The following MBOAT2 variants were observed in gnomAD, a reference collection of about 807,000 sequenced individuals.
The protein encoded by MBOAT2 is membrane bound glycerophospholipid O-acyltransferase 2, also known as membrane-bound glycerophospholipid O-acyltransferase 2.
MBOAT2 carries 28 observed loss-of-function variants against 63.4 expected under a neutral mutation model. That is an observed-to-expected ratio of 0.44 (90% CI 0.33 to 0.61). The LOEUF (loss-of-function observed/expected upper bound fraction) is 0.61, where lower values mean the gene tolerates loss of function less well. Among genes scored for constraint, MBOAT2 ranks in the 20% least tolerant of loss-of-function variants. The probability of loss-of-function intolerance (pLI) is 0.03; values close to 1 mark genes in which losing one functional copy is unlikely to be tolerated. For missense variants in MBOAT2, 470 were observed against 605.8 expected (o/e 0.78, Z 2.35); for synonymous variants, 211 against 215.6 (o/e 0.98, Z 0.19).
intron 1 of MBOAT2, among the ~76,000 whole-genome samples, chr2:8,971,270 T>C (rs868534003): frequency 3.3e-5 from 5 of 152,168 alleles, no homozygotes; most frequent in Admixed American, 6.5e-5. Context: ...AAAAACCACA[T>C]GATTATCTCA....
At chr2:8,976,160 T>C (rs1157181414) in intron 1 of MBOAT2, among the ~76,000 whole-genome samples, 1 of 151,976 alleles carries the variant, frequency 6.6e-6, no homozygotes. Flanking sequence ...TCTCAGACCA[T>C]CATACAAACC....
chr2:8,899,062 G>C (rs1664712339), intron 4 of MBOAT2, among the ~76,000 whole-genome samples: 1 of 152,160 alleles, frequency 6.6e-6, no homozygotes, highest in East Asian at 1.9e-4. Flanking sequence ...AGGTCTTAAG[G>C]GATATTGCCT....
chr2:8,898,616 G>A (rs2148570280), intron 4 of MBOAT2, among the ~76,000 whole-genome samples: 1 of 152,332 alleles, frequency 6.6e-6, no homozygotes, highest in East Asian at 1.9e-4. Flanking sequence ...ACATACTGAA[G>A]GACCAGAGTG....
intron 2 of MBOAT2, among the ~76,000 whole-genome samples, chr2:8,955,324 A>T (rs1445265882): frequency 6.6e-6 from 1 of 152,176 alleles, no homozygotes; most frequent in East Asian, 1.9e-4. Context: ...AGGGCTTGGG[A>T]GAAATAAAGT....
chr2:8,973,789 CAGAT>C (rs1286658236), intron 1 of MBOAT2, among the ~76,000 whole-genome samples: 3 of 152,066 alleles, frequency 2.0e-5, no homozygotes. Flanking sequence ...TTTCATCTAT[CAGAT>C]AGACTTCAGC....
At chr2:8,961,607 A>G (rs1207032350) in intron 1 of MBOAT2, among the ~76,000 whole-genome samples, 1 of 152,140 alleles carries the variant, frequency 6.6e-6, no homozygotes, top group Non-Finnish European at 1.5e-5. Context: ...AAAAAGCTAG[A>G]TATTTCCCAT....
chr2:8,882,365 C>T, intron 6 of MBOAT2, 146 bp downstream of exon 6: 1 of 760,018 alleles, frequency 1.3e-6, no homozygotes, highest in Non-Finnish European at 2.2e-6. Flanking sequence ...CAGGCTTTGG[C>T]AGGAGGGAAG....
At chr2:8,880,243 C>T (rs909179759) in intron 6 of MBOAT2, among the ~76,000 whole-genome samples, 6 of 151,780 alleles carry the variant, frequency 4.0e-5, no homozygotes, top group Non-Finnish European at 5.9e-5. Flanking sequence ...TGGGATGTGA[C>T]GGGTGGAAGA....
In MBOAT2 at chr2:8,854,148, G is replaced by A. The variant is rs1660934987; in HGVS notation, c.*4531C>T. ...CTATAAATAGATTTGACTACTTGGT[G>A]TTGCAGAAAAACACTGTAGAGACCC... On this transcript the variant is annotated 3_prime_UTR_variant, in exon 13 of 13. Transcript: ENST00000305997. 2 of 151,990 alleles carry A rather than the reference G, an allele frequency of 1.3e-5. No homozygotes were observed. The highest frequency in any genetic ancestry group is 4.1e-4 in the South Asian group (2 of 4,830). The allele number at this position is 151,990 out of a possible 1,614,324, so 9.4% of individuals were successfully genotyped here.
At chr2:8,859,716 A>G (rs886931523) in intron 12 of MBOAT2, among the ~76,000 whole-genome samples, 3 of 152,210 alleles carry the variant, frequency 2.0e-5, no homozygotes, top group Non-Finnish European at 4.4e-5. Context: ...AAAGTTTTTG[A>G]TCTCTAAAAT....
At chr2:8,949,197 T>C (rs1668638832) in intron 2 of MBOAT2, among the ~76,000 whole-genome samples, 2 of 152,200 alleles carry the variant, frequency 1.3e-5, no homozygotes, top group Non-Finnish European at 2.9e-5. Flanking sequence ...TTTTTGCCTG[T>C]CCAACTGTTT....
chr2:8,930,309 CTA>C (rs1667226165), intron 3 of MBOAT2, among the ~76,000 whole-genome samples: 1 of 152,186 alleles, frequency 6.6e-6, no homozygotes, highest in African/African-American at 2.4e-5. Context: ...CAATTCCCAC[CTA>C]TGAGTGAGAA....
At chr2:8,965,596 A>T (rs535062352) in intron 1 of MBOAT2, among the ~76,000 whole-genome samples, 45 of 152,180 alleles carry the variant, frequency 3.0e-4, no homozygotes, top group Non-Finnish European at 6.0e-4. Flanking sequence ...AAAAGATTGT[A>T]TATTTTCTCC....
intron 5 of MBOAT2, among the ~76,000 whole-genome samples, chr2:8,884,195 CAAAAAAAAAAA>C (rs1169179642): frequency 1.7e-3 from 38 of 22,106 alleles, no homozygotes; most frequent in African/African-American, 5.6e-3. Context: ...AAGACTCAGC[CAAAAAAAAAAA>C]AAAAAAAAAA....
At chr2:8,973,073 T>C (rs915693664) in intron 1 of MBOAT2, among the ~76,000 whole-genome samples, 2 of 152,196 alleles carry the variant, frequency 1.3e-5, no homozygotes, top group Non-Finnish European at 2.9e-5. Context: ...TGCACACATA[T>C]TTTTACTGTG....
Position 8,862,505 on chromosome 2 carries a change from G to A in MBOAT2, c.1185+85C>T. On this transcript the variant is annotated intron_variant, in intron 11 of 12. Coordinates refer to ENST00000305997, the MANE Select transcript of MBOAT2 (RefSeq NM_138799.4). The surrounding 1 kb of genome is among the most constrained non-coding windows in gnomAD (Gnocchi z 4.3). ...TACTGACCACGACCAAGGAAAGAGG[G>A]TCTACCTTGTAAGAGAGATGTACTC... 2 of 1,485,048 alleles carry A rather than the reference G, an allele frequency of 1.3e-6. No individual in the cohort carries two copies. Among genetic ancestry groups the A allele is most frequent in the Non-Finnish European group, 1.8e-6 (2 of 1,092,372 alleles). The allele number at this position is 1,485,048 out of a possible 1,614,324, so 92.0% of individuals were successfully genotyped here. A position where few individuals can be genotyped will look rare whatever the true frequency, so the allele number is the denominator to read the frequency against.
intron 5 of MBOAT2, among the ~76,000 whole-genome samples, chr2:8,883,019 T>C (rs1012670770): frequency 2.0e-5 from 3 of 152,140 alleles, no homozygotes; most frequent in Non-Finnish European, 4.4e-5. Context: ...AAATACATCA[T>C]CTTCATCCAT....
chr2:9,002,047 T>C (rs1029656571), intron 1 of MBOAT2, among the ~76,000 whole-genome samples: 1 of 150,142 alleles, frequency 6.7e-6, no homozygotes, highest in Non-Finnish European at 1.5e-5. Flanking sequence ...TAAAAGGTCA[T>C]ACACTGCACA....
intron 8 of MBOAT2, among the ~76,000 whole-genome samples, chr2:8,868,786 C>G (rs1360039277): frequency 6.6e-6 from 1 of 152,060 alleles, no homozygotes; most frequent in African/African-American, 2.4e-5. Flanking sequence ...AGTTTAAAAG[C>G]TGCTGAGGAC....
Sources: allele counts gnomAD v4.1 joint callset (sites outside exome capture counted in the v4.1 genomes callset), GRCh38; gene constraint gnomAD v4.1.1; non-coding constraint Gnocchi (gnomAD v3.1); transcripts MANE v1.5; gene names NCBI Gene and HGNC (gene_info 2026-07-23, HGNC 2026-07-21).